The following FOXJ3 variants were observed in gnomAD, a reference collection of about 807,000 sequenced individuals.
FOXJ3 encodes the protein forkhead box protein J3.
A neutral mutation model predicts 76.1 loss-of-function variants in FOXJ3; 22 were observed. The observed-to-expected ratio is 0.29, with a 90% CI of 0.21 to 0.41. The LOEUF (loss-of-function observed/expected upper bound fraction) is 0.41, where lower values mean the gene tolerates loss of function less well. Among genes scored for constraint, FOXJ3 ranks in the 10% least tolerant of loss-of-function variants. The pLI is 1.00. For synonymous variants in FOXJ3, 269 were observed against 261.2 expected (o/e 1.03, Z -0.29); for missense variants, 613 against 762.1 (o/e 0.80, Z 2.30).
chr1:42,244,946 C>A (rs1264528556), intron 4 of FOXJ3, among the ~76,000 whole-genome samples: 1 of 152,146 alleles, frequency 6.6e-6, no homozygotes, highest in Non-Finnish European at 1.5e-5. Context: ...CCTTGGGAGG[C>A]CGAGGCGGGC....
intron 5 of FOXJ3, among the ~76,000 whole-genome samples, chr1:42,212,332 AC>A (rs1646980861): frequency 2.0e-5 from 3 of 152,356 alleles, no homozygotes; most frequent in South Asian, 4.1e-4. Flanking sequence ...ATTTAAAAAA[AC>A]AATTCAGGAT....
intron 4 of FOXJ3, among the ~76,000 whole-genome samples, chr1:42,261,933 C>T (rs1036901802): frequency 2.6e-5 from 4 of 152,202 alleles, no homozygotes; most frequent in African/African-American, 9.7e-5. Context: ...TCAAGGAAGA[C>T]TGATATCATG....
chr1:42,258,074 T>G (rs943788451), intron 4 of FOXJ3, among the ~76,000 whole-genome samples: 3 of 152,236 alleles, frequency 2.0e-5, no homozygotes, highest in African/African-American at 7.2e-5. Flanking sequence ...TCTATTACTA[T>G]TGCCAAGTAT....
At chr1:42,330,532 G>A (rs1656096515) in intron 1 of FOXJ3, among the ~76,000 whole-genome samples, 1 of 152,132 alleles carries the variant, frequency 6.6e-6, no homozygotes, top group African/African-American at 2.4e-5. Flanking sequence ...CAGCTACTTA[G>A]GGGGCTGAGG....
chr1:42,196,178 A>G (rs907118936), intron 7 of FOXJ3, among the ~76,000 whole-genome samples: 2 of 152,148 alleles, frequency 1.3e-5, no homozygotes, highest in Non-Finnish European at 2.9e-5. Flanking sequence ...GTAGTCTGTC[A>G]TTTGGTCCTC....
chr1:42,264,942 A>G, intron 4 of FOXJ3, 173 bp downstream of exon 4: 1 of 637,910 alleles, frequency 1.6e-6, no homozygotes, highest in Non-Finnish European at 2.8e-6. Flanking sequence ...TGCAACAGCT[A>G]TACACTAGTT....
At chr1:42,202,747 G>C (rs1295645499) in intron 6 of FOXJ3, among the ~76,000 whole-genome samples, 1 of 152,100 alleles carries the variant, frequency 6.6e-6, no homozygotes, top group African/African-American at 2.4e-5. Flanking sequence ...TGTTGGCCAG[G>C]CTGGTCTTGA....
At chr1:42,275,253 T>C (rs1652173597) in intron 3 of FOXJ3, among the ~76,000 whole-genome samples, 1 of 152,028 alleles carries the variant, frequency 6.6e-6, no homozygotes, top group South Asian at 2.1e-4. Context: ...AAGGCAAAAG[T>C]GTTGAAGTAG....
intron 1 of FOXJ3, among the ~76,000 whole-genome samples, chr1:42,317,220 GATT>G (rs1481225471): frequency 6.6e-6 from 1 of 152,020 alleles, no homozygotes; most frequent in African/African-American, 2.4e-5. Context: ...GAACATTTCA[GATT>G]ATTATACCAT....
chr1:42,215,349 G>A (rs1647045038), intron 5 of FOXJ3, among the ~76,000 whole-genome samples: 1 of 151,862 alleles, frequency 6.6e-6, no homozygotes, highest in Non-Finnish European at 1.5e-5. Flanking sequence ...ATATATCAAT[G>A]GATGGCCTTA....
chr1:42,278,773 C>T, intron 2 of FOXJ3, 101 bp from the exon 3 acceptor site: 3 of 810,428 alleles, frequency 3.7e-6, no homozygotes, highest in Non-Finnish European at 5.9e-6. Context: ...TGAGGGAAAG[C>T]CTGAGTTACA....
In FOXJ3 at chr1:42,293,786, A is replaced by G. The variant is rs1241480823; in HGVS notation, c.45-15114T>C. ...AACTCCATGCTTTGTGCTTTTTAAC[A>G]TAGCTGATACATCATTTTGCAAGCT... On this transcript the variant is annotated intron_variant, in intron 2 of 12. Coordinates refer to ENST00000361346, the MANE Select transcript of FOXJ3 (RefSeq NM_014947.5). Among the ~76,000 whole-genome samples, 3 of 152,196 alleles carry G rather than the reference A, an allele frequency of 2.0e-5. No individual in the cohort carries two copies. In the East Asian group the frequency reaches 5.8e-4, roughly 29 times the overall value.
At chr1:42,215,443 A>G in intron 5 of FOXJ3, among the ~76,000 whole-genome samples, 1 of 152,168 alleles carries the variant, frequency 6.6e-6, no homozygotes, top group East Asian at 1.9e-4. Flanking sequence ...AAAGCTTATG[A>G]AAAAAAGAAC....
chr1:42,273,824 T>TA (rs911303928), intron 3 of FOXJ3, among the ~76,000 whole-genome samples: 14 of 152,090 alleles, frequency 9.2e-5, no homozygotes, highest in Non-Finnish European at 1.6e-4. Context: ...TGACAACAGT[T>TA]AAAAATTTGA....
At chr1:42,275,397 A>G (rs1296660215) in intron 3 of FOXJ3, among the ~76,000 whole-genome samples, 1 of 152,214 alleles carries the variant, frequency 6.6e-6, no homozygotes, top group Admixed American at 6.5e-5. Context: ...GAATATGAAT[A>G]TAACATGTGC....
At chr1:42,180,172 G>C (rs747699865) in intron 12 of FOXJ3, among the ~76,000 whole-genome samples, 1 of 152,168 alleles carries the variant, frequency 6.6e-6, no homozygotes, top group Non-Finnish European at 1.5e-5. Flanking sequence ...GCTCCAATAC[G>C]TTGTTTCAGT....
intron 7 of FOXJ3, among the ~76,000 whole-genome samples, chr1:42,196,225 C>A (rs1207681052): frequency 2.6e-5 from 4 of 152,162 alleles, no homozygotes. Context: ...AGGGAGCTGA[C>A]ACCATGCTAA....
chr1:42,251,463 G>A (rs996776496), intron 4 of FOXJ3, among the ~76,000 whole-genome samples: 15 of 140,554 alleles, frequency 1.1e-4, no homozygotes, highest in African/African-American at 3.2e-4. Context: ...AGATGATACC[G>A]TTAGGCTGAA....
In FOXJ3 at chr1:42,177,809, G is replaced by C. The variant is rs1006439820; in HGVS notation, c.*1901C>G. 6.6e-6 allele frequency: 1 copy of C among 152,088 alleles called. No individual in the cohort carries two copies. Among genetic ancestry groups the C allele is most frequent in the African/African-American group, 2.4e-5 (1 of 41,258 alleles). 9.4% of individuals were successfully genotyped at this position (152,088 alleles called of 1,614,324 possible). On this transcript the variant is annotated 3_prime_UTR_variant, in exon 13 of 13. Coordinates refer to ENST00000361346, the MANE Select transcript of FOXJ3 (RefSeq NM_014947.5). ...CTCTCACACACAGCACACACACACAGAAACAAAAGATGTTTGTTTAGTTCA... is the reference window on the plus strand; with the variant it reads ...CTCTCACACACAGCACACACACACACAAACAAAAGATGTTTGTTTAGTTCA...
Sources: allele counts gnomAD v4.1 joint callset (sites outside exome capture counted in the v4.1 genomes callset), GRCh38; gene constraint gnomAD v4.1.1; transcripts MANE v1.5; gene names NCBI Gene and HGNC (gene_info 2026-07-23, HGNC 2026-07-21).